Variants in FAM229B observed in about 807,000 individuals in gnomAD.
The protein encoded by FAM229B is family with sequence similarity 229 member B.
Under a neutral mutation model 6.7 loss-of-function variants are expected in FAM229B, and 2 were observed. The observed-to-expected ratio is 0.30, with a 90% CI of 0.12 to 0.94. The LOEUF (loss-of-function observed/expected upper bound fraction) is 0.94. FAM229B is among the 40% of genes least tolerant of loss of function. The pLI is 0.54. For synonymous variants in FAM229B, 29 were observed against 34.0 expected, an observed-to-expected ratio of 0.85 and a Z score of 0.51; for missense variants, 93 against 96.2, an observed-to-expected ratio of 0.97 and a Z score of 0.14.
In FAM229B at chr6:112,102,200, A is replaced by AG. The variant is rs782005947; in HGVS notation, c.*1416dup. On this transcript the variant is annotated 3_prime_UTR_variant, in exon 4 of 4. Coordinates refer to ENST00000368656, the MANE Select transcript of FAM229B (RefSeq NM_001033564.3). ...AAAGGAGTGATGAAAAATTCCTCAG[A>AG]GGGCTGGGCTTGGTGGCTCATGCCT... is the stretch of plus-strand genomic sequence containing the variant. 10 of 152,262 alleles carry AG rather than the reference A, an allele frequency of 6.6e-5. No individual in the cohort carries two copies. Among genetic ancestry groups the AG allele is most frequent in the Non-Finnish European group, 1.5e-4 (10 of 68,014 alleles). The allele number at this position is 152,262 out of a possible 1,614,324, so 9.4% of individuals were successfully genotyped here. A position where few individuals can be genotyped will look rare whatever the true frequency, so the allele number is the denominator to read the frequency against.
At chr6:112,092,108 T>G (rs1777264402) in intron 1 of FAM229B, among the ~76,000 whole-genome samples, 2 of 152,068 alleles carry the variant, frequency 1.3e-5, no homozygotes, top group African/African-American at 4.8e-5. Flanking sequence ...AATATACATG[T>G]AACTGGCATG....
At chr6:112,093,624 C>G (rs1215460532) in intron 1 of FAM229B, among the ~76,000 whole-genome samples, 1 of 152,000 alleles carries the variant, frequency 6.6e-6, no homozygotes, top group Non-Finnish European at 1.5e-5. Context: ...AAAAACAACT[C>G]TAAATAAATT....
intron 1 of FAM229B, among the ~76,000 whole-genome samples, chr6:112,093,337 A>G (rs587607277): frequency 6.6e-6 from 1 of 152,228 alleles, no homozygotes; most frequent in South Asian, 2.1e-4. Context: ...AACAATACTA[A>G]ATATTTATGC....
chr6:112,101,904 A>G lies in FAM229B; in HGVS notation c.*1117A>G, dbSNP rs943844583. ...TGAGCTGGGAGAAGTTTGAATGCCA[A>G]CCAGTTAAAGTGGAAAGATCTTGAA... On this transcript the variant is annotated 3_prime_UTR_variant, in exon 4 of 4. Coordinates refer to ENST00000368656, the MANE Select transcript of FAM229B (RefSeq NM_001033564.3). 7 of 152,202 alleles carry G rather than the reference A, an allele frequency of 4.6e-5. No individual in the cohort carries two copies. The highest frequency in any genetic ancestry group is 1.7e-4 in the African/African-American group (7 of 41,444). The allele number at this position is 152,202 out of a possible 1,614,324, so 9.4% of individuals were successfully genotyped here.
intron 1 of FAM229B, among the ~76,000 whole-genome samples, chr6:112,093,576 T>C (rs1266648393): frequency 6.6e-6 from 1 of 152,102 alleles, no homozygotes; most frequent in Non-Finnish European, 1.5e-5. Context: ...TTCAAGTGCG[T>C]GTGGAACATT....
intron 1 of FAM229B, among the ~76,000 whole-genome samples, chr6:112,091,067 AG>A (rs1777251438): frequency 6.6e-6 from 1 of 151,708 alleles, no homozygotes; most frequent in Non-Finnish European, 1.5e-5. Flanking sequence ...TACTTTTATG[AG>A]CTTGACTTTT....
At chr6:112,089,147 G>A (rs1414363077) in intron 1 of FAM229B, among the ~76,000 whole-genome samples, 1 of 152,134 alleles carries the variant, frequency 6.6e-6, no homozygotes, top group Non-Finnish European at 1.5e-5. Context: ...CTGAAATTTT[G>A]GGGTGCAGTT....
intron 1 of FAM229B, among the ~76,000 whole-genome samples, chr6:112,093,392 A>G (rs1398697919): frequency 6.6e-6 from 1 of 152,106 alleles, no homozygotes; most frequent in East Asian, 1.9e-4. Flanking sequence ...ACTGCAGAAT[A>G]GAAAGGAGAA....
At chr6:112,088,429 A>G (rs1318228328) in intron 1 of FAM229B, among the ~76,000 whole-genome samples, 1 of 152,250 alleles carries the variant, frequency 6.6e-6, no homozygotes, top group Non-Finnish European at 1.5e-5. Context: ...AATATTTTCC[A>G]CAAAAATTCT....
Position 112,097,216 on chromosome 6 carries a change from C to A in FAM229B, c.-15+15C>A, listed in dbSNP as rs1006461323. 5.9e-5 allele frequency: 9 copies of A among 152,126 alleles called. No homozygotes were observed. The highest frequency in any genetic ancestry group is 1.5e-5 in the Non-Finnish European group (1 of 68,022). The allele number at this position is 152,126 out of a possible 1,614,324, so 9.4% of individuals were successfully genotyped here. On this transcript the variant is annotated intron_variant, in intron 2 of 3. Coordinates refer to ENST00000368656, the MANE Select transcript of FAM229B (RefSeq NM_001033564.3). ...AGCCTCTTTTGGTAAGTCTATTTAT[C>A]CTTGATCAAATTAGCTAAATGTTAA... is the stretch of plus-strand genomic sequence containing the variant.
chr6:112,097,779 C>A (rs1777346481), intron 2 of FAM229B, among the ~76,000 whole-genome samples: 1 of 152,164 alleles, frequency 6.6e-6, no homozygotes, highest in Admixed American at 6.5e-5. Flanking sequence ...TGAATACATG[C>A]AAGTTATTTC....
At chr6:112,095,653 A>C (rs1777313381) in intron 1 of FAM229B, among the ~76,000 whole-genome samples, 2 of 139,752 alleles carry the variant, frequency 1.4e-5, no homozygotes, top group African/African-American at 5.8e-5. Context: ...AAAAAAAAAA[A>C]AAAAAAACCA....
Position 112,100,814 on chromosome 6 carries a change from G to A in FAM229B, c.*27G>A. On this transcript the variant is annotated 3_prime_UTR_variant, in exon 4 of 4. Coordinates refer to ENST00000368656, the MANE Select transcript of FAM229B (RefSeq NM_001033564.3). ...ACCATTAAGTCTTTTGTCAAGGTCTGACTAGGTCAAGGGTAATGGACCAGT... is the reference window on the plus strand; with the variant it reads ...ACCATTAAGTCTTTTGTCAAGGTCTAACTAGGTCAAGGGTAATGGACCAGT... 6.5e-7 allele frequency: 1 copy of A among 1,545,496 alleles called. No individual in the cohort carries two copies. Among genetic ancestry groups the A allele is most frequent in the Non-Finnish European group, 8.9e-7 (1 of 1,117,788 alleles).
chr6:112,089,902 A>G (rs1479731544), intron 1 of FAM229B, among the ~76,000 whole-genome samples: 1 of 152,228 alleles, frequency 6.6e-6, no homozygotes, highest in Non-Finnish European at 1.5e-5. Flanking sequence ...AAAAGGATAC[A>G]CACTATGTTC....
chr6:112,089,550 A>G (rs1777230543), intron 1 of FAM229B, among the ~76,000 whole-genome samples: 2 of 152,216 alleles, frequency 1.3e-5, no homozygotes, highest in Admixed American at 6.5e-5. Context: ...TACCTTGCAT[A>G]TAGTAGATAG....
chr6:112,088,614 T>C (rs944954495), intron 1 of FAM229B, among the ~76,000 whole-genome samples: 2 of 152,008 alleles, frequency 1.3e-5, no homozygotes, highest in Admixed American at 6.5e-5. Flanking sequence ...AGGTTTAAAG[T>C]TGCAATGGAT....
chr6:112,100,861 CAAAT>C lies in FAM229B; in HGVS notation c.*78_*81del. ...CAGTATCATCTGGTGATCTGGTAAA[CAAAT>C]AAAAGTGGTGGCACCTTTAGATGAT... is the stretch of plus-strand genomic sequence containing the variant. On this transcript the variant is annotated 3_prime_UTR_variant, in exon 4 of 4. Coordinates refer to ENST00000368656, the MANE Select transcript of FAM229B (RefSeq NM_001033564.3). 2 of 1,108,610 alleles carry C rather than the reference CAAAT, an allele frequency of 1.8e-6. No homozygotes were observed. Among genetic ancestry groups the C allele is most frequent in the South Asian group, 1.3e-5 (1 of 75,662 alleles). The allele number at this position is 1,108,610 out of a possible 1,614,324, so 68.7% of individuals were successfully genotyped here. A position where few individuals can be genotyped will look rare whatever the true frequency, so the allele number is the denominator to read the frequency against.
chr6:112,090,148 G>T (rs1554318034), intron 1 of FAM229B, among the ~76,000 whole-genome samples: 4 of 152,176 alleles, frequency 2.6e-5, no homozygotes, highest in African/African-American at 7.2e-5. Flanking sequence ...TGTTTTAGAA[G>T]AAAATTATTC....
In FAM229B at chr6:112,092,313, T is replaced by TA. The variant is rs587709491; in HGVS notation, c.-176+4599dup. On this transcript the variant is annotated intron_variant, in intron 1 of 3. Coordinates refer to ENST00000368656, the MANE Select transcript of FAM229B (RefSeq NM_001033564.3). ...AAAGCAAATATTAAAGCCAGCCAGA[T>TA]AAAAAAGACATATTACATATAGAGG... Among the ~76,000 whole-genome samples the TA allele has an allele frequency of 9.9e-5, 15 of 151,802 alleles. No individual in the cohort carries two copies. The South Asian group carries it at 2.7e-3, about 27-fold the overall frequency.
Sources: allele counts gnomAD v4.1 joint callset (sites outside exome capture counted in the v4.1 genomes callset), GRCh38; gene constraint gnomAD v4.1.1; transcripts MANE v1.5; gene names NCBI Gene and HGNC (gene_info 2026-07-23, HGNC 2026-07-21).